EVA1C: variants seen among roughly 807,000 people sequenced by gnomAD.
EVA1C encodes the protein eva-1 homolog C, also known as protein eva-1 homolog C.
Under a neutral mutation model 45.4 loss-of-function variants are expected in EVA1C, and 25 were observed. The ratio of observed to expected loss-of-function variants is 0.55; its 90% confidence interval spans 0.40 to 0.77. EVA1C has a LOEUF of 0.77. Among genes scored for constraint, EVA1C ranks in the 30% least tolerant of loss-of-function variants. EVA1C has a pLI of 0.00. For missense variants in EVA1C, 479 were observed against 554.8 expected (o/e 0.86, Z 1.37); for synonymous variants, 190 against 221.2 (o/e 0.86, Z 1.25).
chr21:32,432,825 A>T (rs868421036), intron 1 of EVA1C, among the ~76,000 whole-genome samples: 56 of 152,074 alleles, frequency 3.7e-4, no homozygotes, highest in African/African-American at 1.2e-3. Context: ...GGCTCAAGCG[A>T]TCCTCCTGCC....
chr21:32,477,727 C>G (rs1293366125), intron 4 of EVA1C, among the ~76,000 whole-genome samples: 1 of 62,984 alleles, frequency 1.6e-5, no homozygotes, highest in Non-Finnish European at 3.1e-5. Flanking sequence ...TCACCTCCCC[C>G]GTACGCCCTC....
chr21:32,467,905 AATATAT>A, intron 4 of EVA1C, 57 bp downstream of exon 4: 1 of 1,025,028 alleles, frequency 9.8e-7, no homozygotes, highest in Non-Finnish European at 1.3e-6. Context: ...GAATTAATAG[AATATAT>A]ATATATATAT....
At chr21:32,485,074 A>G (rs1323284014) in intron 4 of EVA1C, among the ~76,000 whole-genome samples, 2 of 152,108 alleles carry the variant, frequency 1.3e-5, no homozygotes, top group African/African-American at 4.8e-5. Flanking sequence ...CTTCCTCTGT[A>G]GTTGACATTC....
intron 4 of EVA1C, among the ~76,000 whole-genome samples, chr21:32,488,672 G>A (rs955729184): frequency 3.3e-5 from 5 of 150,774 alleles, no homozygotes; most frequent in African/African-American, 7.3e-5. Context: ...TGCAACCTCC[G>A]CCTCCCCGGT....
At chr21:32,438,884 C>T (rs1452934947) in intron 1 of EVA1C, among the ~76,000 whole-genome samples, 2 of 152,090 alleles carry the variant, frequency 1.3e-5, no homozygotes, top group Admixed American at 1.3e-4. Context: ...TGAATGTAAT[C>T]CCTCAGCTGT....
Position 32,474,084 on chromosome 21 carries a change from T to G in EVA1C, c.634+6236T>G. 5.7e-6 allele frequency: 2 copies of G among 351,572 alleles called. No homozygotes were observed. The highest frequency in any genetic ancestry group is 8.0e-6 in the Non-Finnish European group (2 of 250,736). The allele number at this position is 351,572 out of a possible 1,614,324, so 21.8% of individuals were successfully genotyped here. ...CTGGGACTACAGGTGCATGCCACCA[T>G]GCCTGGCATGGTGGAGATGAAGTCT... On this transcript the variant is annotated intron_variant, in intron 4 of 7. Coordinates refer to ENST00000300255, the MANE Select transcript of EVA1C (RefSeq NM_058187.5). The surrounding 1 kb of genome is among the most constrained non-coding windows in gnomAD (Gnocchi z 4.4).
intron 4 of EVA1C, among the ~76,000 whole-genome samples, chr21:32,475,247 C>T (rs2036512938): frequency 6.6e-6 from 1 of 152,166 alleles, no homozygotes; most frequent in Non-Finnish European, 1.5e-5. Flanking sequence ...CACAGTGTCT[C>T]TCCATGGTCA....
intron 3 of EVA1C, among the ~76,000 whole-genome samples, chr21:32,466,083 C>T (rs575895466): frequency 3.5e-4 from 52 of 149,490 alleles, no homozygotes; most frequent in African/African-American, 1.1e-3. Context: ...ATCATACCTA[C>T]GCAGTCTTTT....
chr21:32,446,347 C>T (rs1257120328), intron 1 of EVA1C, among the ~76,000 whole-genome samples: 2 of 152,200 alleles, frequency 1.3e-5, no homozygotes, highest in Non-Finnish European at 2.9e-5. Context: ...ACAGAGTGTG[C>T]ACAACTGCCA....
In EVA1C at chr21:32,514,882, G is replaced by T; in HGVS notation, c.1018G>T (p.Ala340Ser). ...VCIGLALTLC[A>S]LVIRESCAKD... is the part of the protein sequence containing the mutation. ...CATCGGCCTGGCCCTCACACTGTGC[G>T]CCCTGGTCATCAGAGAGTCCTGTGC... The change falls in exon 8 of 8, where the codon GCC (alanine) becomes TCC (serine). Residue 340 changes from alanine (A) to serine (S), a missense_variant. Physicochemically the swap from Ala to Ser is moderately conservative, Grantham distance 99 (BLOSUM62 1). This residue lies in a region of EVA1C where 366 missense variants were observed against 426.1 expected (regional missense o/e 0.86). Transcript: ENST00000300255. The T allele has an allele frequency of 6.2e-7, 1 of 1,613,378 alleles. No homozygotes were observed. The highest frequency in any genetic ancestry group is 1.7e-4 in the Middle Eastern group (1 of 5,846).
At chr21:32,508,268 A>T (rs1198781396) in intron 7 of EVA1C, among the ~76,000 whole-genome samples, 7 of 152,150 alleles carry the variant, frequency 4.6e-5, no homozygotes, top group Non-Finnish European at 1.5e-5. Context: ...TTGTGGCCTA[A>T]TATTTCCGTC....
At chr21:32,434,618 AAAT>A (rs1204349066) in intron 1 of EVA1C, among the ~76,000 whole-genome samples, 2 of 149,750 alleles carry the variant, frequency 1.3e-5, no homozygotes, top group East Asian at 3.9e-4. Flanking sequence ...ATAAATAAAT[AAAT>A]AAATAAATAA....
At chr21:32,492,012 G>T (rs1347001541) in intron 4 of EVA1C, among the ~76,000 whole-genome samples, 1 of 152,142 alleles carries the variant, frequency 6.6e-6, no homozygotes, top group Non-Finnish European at 1.5e-5. Flanking sequence ...GGAGAAGAGA[G>T]CCCAGACCCA....
At chr21:32,440,115 CCT>C (rs1463999705) in intron 1 of EVA1C, among the ~76,000 whole-genome samples, 1 of 152,022 alleles carries the variant, frequency 6.6e-6, no homozygotes, top group African/African-American at 2.4e-5. Context: ...GGTTAGCGAC[CCT>C]GAGTGTTTCT....
At chr21:32,479,149 G>A (rs1004109296) in intron 4 of EVA1C, among the ~76,000 whole-genome samples, 13 of 152,234 alleles carry the variant, frequency 8.5e-5, no homozygotes, top group African/African-American at 2.7e-4. Context: ...GGCTGGGAGC[G>A]GTGGCTCACG....
chr21:32,513,912 C>T (rs139191743), intron 7 of EVA1C, among the ~76,000 whole-genome samples: 18 of 152,270 alleles, frequency 1.2e-4, no homozygotes, highest in African/African-American at 4.3e-4. Context: ...CAACCAACCT[C>T]AGACTGAAAA....
At chr21:32,445,838 A>T (rs2035345075) in intron 1 of EVA1C, among the ~76,000 whole-genome samples, 1 of 152,226 alleles carries the variant, frequency 6.6e-6, no homozygotes, top group African/African-American at 2.4e-5. Flanking sequence ...CCATGGCAGT[A>T]GCTATAAGAC....
intron 1 of EVA1C, among the ~76,000 whole-genome samples, chr21:32,443,018 G>A (rs1382173042): frequency 1.5e-5 from 2 of 135,148 alleles, no homozygotes; most frequent in African/African-American, 5.4e-5. Context: ...GGGAGGGAGG[G>A]AGGGAAGGAA....
intron 1 of EVA1C, among the ~76,000 whole-genome samples, chr21:32,434,643 T>G (rs945193903): frequency 1.8e-4 from 26 of 144,018 alleles, no homozygotes; most frequent in African/African-American, 5.9e-4. Flanking sequence ...ATTTTATATA[T>G]ATATAGATAT....
Sources: gnomAD v4.1 joint callset for allele counts (sites outside exome capture counted in the v4.1 genomes callset) on GRCh38, gnomAD v4.1.1 for gene constraint, gnomAD v4.1.1 regional missense constraint, Gnocchi (gnomAD v3.1) non-coding constraint, MANE v1.5 for transcripts, NCBI Gene and HGNC (gene_info 2026-07-23, HGNC 2026-07-21) for gene names.